Variants in SFXN1 observed in about 807,000 individuals in gnomAD.
SFXN1 encodes sideroflexin-1.
SFXN1 carries 32 observed loss-of-function variants against 39.5 expected under a neutral mutation model. That is an observed-to-expected ratio of 0.81 (90% CI 0.61 to 1.09). SFXN1 has a LOEUF of 1.09. SFXN1 is among the 50% of genes least tolerant of loss of function. The pLI, the probability that SFXN1 is intolerant of heterozygous loss-of-function variation, is 0.00. For missense variants in SFXN1, 402 were observed against 407.1 expected (o/e 0.99, Z 0.11); for synonymous variants, 136 against 146.5 (o/e 0.93, Z 0.52).
At chr5:175,518,083 G>C (rs1282018737) in intron 8 of SFXN1, among the ~76,000 whole-genome samples, 1 of 152,140 alleles carries the variant, frequency 6.6e-6, no homozygotes, top group East Asian at 1.9e-4. Flanking sequence ...CACATCAGCT[G>C]TGGGCAGGTG....
intron 1 of SFXN1, among the ~76,000 whole-genome samples, chr5:175,478,893 C>T (rs1219495419): frequency 6.6e-6 from 1 of 152,146 alleles, no homozygotes; most frequent in Non-Finnish European, 1.5e-5. Flanking sequence ...GCCCAGCATC[C>T]CGTGGGCCTC....
intron 1 of SFXN1, among the ~76,000 whole-genome samples, chr5:175,478,858 A>T (rs1353003213): frequency 6.6e-6 from 1 of 151,986 alleles, no homozygotes; most frequent in Admixed American, 6.5e-5. Flanking sequence ...GCGGCCGGAC[A>T]ACACCACGCT....
At position 175,492,237 on chromosome 5, in the gene SFXN1, A is replaced by G. The variant is rs140420184; in HGVS notation, c.134A>G (p.Glu45Gly). 2.0e-5 allele frequency: 33 copies of G among 1,613,004 alleles called. No homozygotes were observed. In the African/African-American group the frequency reaches 3.7e-4, roughly 18 times the overall value. Residue 45 changes from glutamate to glycine, a missense_variant, in exon 2 of 11, where the codon GAG becomes GGG. Glu to Gly is a moderately conservative substitution (Grantham distance 98). Transcript: ENST00000321442. ...RNILLTNEQL[E>G]SARKIVHDYR... ...ATTCTGTTAACCAACGAACAACTCG[A>G]GAGTGCGAGAAAAATAGTACATGAT...
At position 175,522,871 on chromosome 5, in the gene SFXN1, C is replaced by T. The variant is rs566274805; in HGVS notation, c.872+449C>T. The T allele has an allele frequency of 1.3e-4, 20 of 155,116 alleles. No homozygotes were observed. The South Asian group carries it at 3.5e-3, about 27-fold the overall frequency. The allele number at this position is 155,116 out of a possible 1,614,324, so 9.6% of individuals were successfully genotyped here. On this transcript the variant is annotated intron_variant, in intron 10 of 10. Coordinates refer to ENST00000321442, the MANE Select transcript of SFXN1 (RefSeq NM_022754.7). ...TTTGCCTTAAAAGCTTTCTTGTGCACGCCTCTCATCGCAAACTGCCCTTGA... is the reference window on the plus strand; with the variant it reads ...TTTGCCTTAAAAGCTTTCTTGTGCATGCCTCTCATCGCAAACTGCCCTTGA...
Position 175,511,469 on chromosome 5 carries a change from C to G in SFXN1, c.453C>G (p.Tyr151Ter), listed in dbSNP as rs184377169. 1.2e-6 allele frequency: 2 copies of G among 1,614,138 alleles called. No individual in the cohort carries two copies. Among genetic ancestry groups the G allele is most frequent in the Non-Finnish European group, 1.7e-6 (2 of 1,179,990 alleles). The stretch of plus-strand genomic sequence containing the variant: ...TTTTCAGTGAGTTGGGAACAGCTTA[C>G]GTTTCTGCAACAACTGGTGCCGTAG... ...PLTVNELGTA[Y>*]VSATTGAVAT... is the part of the protein sequence containing the mutation. Residue 151 changes from tyrosine (Y) to a stop codon, truncating the protein, a stop_gained, in exon 5 of 11, where the codon TAC becomes TAG. Coordinates refer to ENST00000321442, the MANE Select transcript of SFXN1 (RefSeq NM_022754.7). LOFTEE classifies it high-confidence loss of function.
chr5:175,487,550 C>T (rs370566556), intron 1 of SFXN1, among the ~76,000 whole-genome samples: 1 of 152,204 alleles, frequency 6.6e-6, no homozygotes, highest in African/African-American at 2.4e-5. Context: ...AGTCACTCCC[C>T]AGCCCACTTT....
At chr5:175,491,450 T>C (rs1241854941) in intron 1 of SFXN1, 1 of 151,962 alleles carries the variant, frequency 6.6e-6, no homozygotes, top group Admixed American at 6.6e-5. Context: ...ACTTCGGACC[T>C]TGTTACTGTT....
Position 175,509,031 on chromosome 5 carries a change from G to C in SFXN1, c.165-1G>C. Reference sequence around the variant, plus strand: ...TGCCATATTATTTGTTGTTTTCTTAGGCAAGGAATTGTTCCTCCTGGTCTT... The same window carrying C: ...TGCCATATTATTTGTTGTTTTCTTACGCAAGGAATTGTTCCTCCTGGTCTT... On this transcript the variant is annotated splice_acceptor_variant, in intron 2 of 10. Coordinates refer to ENST00000321442, the MANE Select transcript of SFXN1 (RefSeq NM_022754.7). LOFTEE classifies it high-confidence loss of function. The C allele has an allele frequency of 6.2e-6, 10 of 1,601,980 alleles. No individual in the cohort carries two copies. The highest frequency in any genetic ancestry group is 8.5e-6 in the Non-Finnish European group (10 of 1,174,022).
intron 10 of SFXN1, chr5:175,524,121 AAAAAATATATATATATAT>A (rs1468670079): frequency 0.038 from 1,263 of 32,908 alleles, 2 homozygotes; most frequent in Non-Finnish European, 0.045. Context: ...AAAAAAAAAA[AAAAAATATATATATATAT>A]ATATATATAT....
chr5:175,479,691 A>G (rs1759158882), intron 1 of SFXN1, among the ~76,000 whole-genome samples: 1 of 152,074 alleles, frequency 6.6e-6, no homozygotes, highest in African/African-American at 2.4e-5. Context: ...CTCAATGAGT[A>G]TTTGTTGACT....
rs1391630721 is a variant in SFXN1 at position 175,478,719 on chromosome 5, G to A, written c.-10+80G>A. ...CGGCGGAGGCGCGCAGGCTTGGGCA[G>A]GCTCGGGCCGTGCACCCGCGGGCCG... On this transcript the variant is annotated intron_variant, in intron 1 of 10. Coordinates refer to ENST00000321442, the MANE Select transcript of SFXN1 (RefSeq NM_022754.7). 4 of 152,234 alleles carry A rather than the reference G, an allele frequency of 2.6e-5. 1 individual carries two copies. Among genetic ancestry groups the A allele is most frequent in the Admixed American group, 2.6e-4 (4 of 15,284 alleles). The allele number at this position is 152,234 out of a possible 1,614,324, so 9.4% of individuals were successfully genotyped here.
chr5:175,521,941 C>A lies in SFXN1; in HGVS notation c.797C>A (p.Pro266His). Residue 266 changes from proline (P) to histidine (H), a missense_variant, in exon 9 of 11, where the codon CCC becomes CAC. Pro to His is a moderately conservative substitution (Grantham distance 77, BLOSUM62 -2). Coordinates refer to ENST00000321442, the MANE Select transcript of SFXN1 (RefSeq NM_022754.7). The stretch of plus-strand genomic sequence containing the variant: ...CAGAGGTTCCCATGGATGAGTGCAC[C>A]CATTCAAGTTGGGTTAGTTGGCTTC... ...FLKRFPWMSA[P>H]IQVGLVGFCL... is the part of the protein sequence containing the mutation. The A allele has an allele frequency of 6.2e-7, 1 of 1,601,964 alleles. No individual in the cohort carries two copies. Among genetic ancestry groups the A allele is most frequent in the East Asian group, 2.2e-5 (1 of 44,800 alleles).
intron 8 of SFXN1, among the ~76,000 whole-genome samples, chr5:175,517,306 C>T (rs1244690536): frequency 6.6e-6 from 1 of 152,062 alleles, no homozygotes; most frequent in African/African-American, 2.4e-5. Context: ...GTTTTTTTAG[C>T]TTTGCTTGAT....
At chr5:175,493,013 G>A (rs1759716059) in intron 2 of SFXN1, among the ~76,000 whole-genome samples, 1 of 152,156 alleles carries the variant, frequency 6.6e-6, no homozygotes, top group African/African-American at 2.4e-5. Context: ...CAGCCCTTTG[G>A]GAGGCTGAGG....
intron 2 of SFXN1, among the ~76,000 whole-genome samples, chr5:175,506,092 A>C (rs1173599385): frequency 1.3e-5 from 2 of 152,260 alleles, no homozygotes; most frequent in Non-Finnish European, 2.9e-5. Flanking sequence ...TGCTGGGATT[A>C]CAGGCGTAAG....
At chr5:175,526,033 A>AAG (rs1761046493) in intron 10 of SFXN1, 1 of 151,934 alleles carries the variant, frequency 6.6e-6, no homozygotes, top group Non-Finnish European at 1.5e-5. Context: ...AATAAGCTTT[A>AAG]ATATATATAC....
At chr5:175,507,428 G>A (rs532239444) in intron 2 of SFXN1, among the ~76,000 whole-genome samples, 4 of 152,290 alleles carry the variant, frequency 2.6e-5, no homozygotes, top group Non-Finnish European at 5.9e-5. Flanking sequence ...ATATTACTGA[G>A]TAAAGAAGGT....
chr5:175,508,368 G>C (rs2113327631), intron 2 of SFXN1, among the ~76,000 whole-genome samples: 1 of 151,626 alleles, frequency 6.6e-6, no homozygotes, highest in South Asian at 2.1e-4. Context: ...TGGGACCACA[G>C]GCATATGCCA....
At chr5:175,503,373 T>C (rs1164497262) in intron 2 of SFXN1, among the ~76,000 whole-genome samples, 1 of 152,168 alleles carries the variant, frequency 6.6e-6, no homozygotes, top group Non-Finnish European at 1.5e-5. Flanking sequence ...AAATTGATAA[T>C]GCAAAAATCC....
Sources: gnomAD v4.1 joint callset for allele counts (sites outside exome capture counted in the v4.1 genomes callset) on GRCh38, gnomAD v4.1.1 for gene constraint, MANE v1.5 for transcripts, NCBI Gene and HGNC (gene_info 2026-07-23, HGNC 2026-07-21) for gene names.